The following RASGEF1C variants were observed in gnomAD, a reference collection of about 807,000 sequenced individuals.
RASGEF1C encodes RasGEF domain family member 1C.
RASGEF1C carries 27 observed loss-of-function variants against 58.1 expected under a neutral mutation model. The ratio of observed to expected loss-of-function variants is 0.46; its 90% confidence interval spans 0.34 to 0.64. The LOEUF is 0.64. Ranked by LOEUF, RASGEF1C falls within the 30% of genes least tolerant of loss-of-function variation. The probability of loss-of-function intolerance (pLI) is 0.01; values close to 1 mark genes in which losing one functional copy is unlikely to be tolerated. For missense variants in RASGEF1C, 502 were observed against 605.1 expected (o/e 0.83, Z 1.79); for synonymous variants, 243 against 246.3 (o/e 0.99, Z 0.13).
chr5:180,141,695 T>G, intron 1 of RASGEF1C, among the ~76,000 whole-genome samples: 1 of 150,900 alleles, frequency 6.6e-6, no homozygotes, highest in East Asian at 2.0e-4. Flanking sequence ...ATGATACATT[T>G]TATGTTATGT....
intron 1 of RASGEF1C, among the ~76,000 whole-genome samples, chr5:180,162,030 G>A (rs1467500584): frequency 1.3e-5 from 2 of 152,236 alleles, no homozygotes; most frequent in Non-Finnish European, 2.9e-5. Context: ...TGAGTGGATG[G>A]ATGACCATAG....
chr5:180,108,795 G>A (rs1411969512), intron 12 of RASGEF1C, among the ~76,000 whole-genome samples: 1 of 152,218 alleles, frequency 6.6e-6, no homozygotes, highest in Non-Finnish European at 1.5e-5. Flanking sequence ...TCAGGGCCAG[G>A]TTTTTGTCAG....
Position 180,137,595 on chromosome 5 carries a change from C to A in RASGEF1C, c.295G>T (p.Asp99Tyr), listed in dbSNP as rs1437598840. 6.2e-7 allele frequency: 1 copy of A among 1,611,386 alleles called. No homozygotes were observed. Residue 99 changes from aspartate (D) to tyrosine (Y), a missense_variant, in exon 3 of 14, where the codon GAC becomes TAC. By Grantham distance (160) the Asp-to-Tyr change is radical. Coordinates refer to ENST00000361132, the MANE Select transcript of RASGEF1C (RefSeq NM_175062.4). The surrounding 1 kb of genome is among the most constrained non-coding windows in gnomAD (Gnocchi z 4.1). ...EQQQLDKPVL[D>Y]KARVRKFGPK... ...TGGCCTGCCCTCCGCCTCACCTTGT[C>A]CAGCACCGGCTTGTCCAGCTGCTGC...
rs1765775255 is a variant in RASGEF1C, at chr5:180,101,144, C to A, written c.*357G>T. The A allele has an allele frequency of 3.5e-6, 1 of 282,954 alleles. No individual in the cohort carries two copies. The highest frequency in any genetic ancestry group is 1.1e-4 in the South Asian group (1 of 9,136). 17.5% of individuals were successfully genotyped at this position (282,954 alleles called of 1,614,324 possible). On this transcript the variant is annotated 3_prime_UTR_variant, in exon 14 of 14. Transcript: ENST00000361132. Reference sequence around the variant, plus strand: ...ACTGTGGGTGGTGGCCAAAGTGGCACATGTCACCAAGCAAGGTCTCGAGCT... The same window carrying A: ...ACTGTGGGTGGTGGCCAAAGTGGCAAATGTCACCAAGCAAGGTCTCGAGCT...
chr5:180,191,873 C>T (rs11249680), intron 1 of RASGEF1C, among the ~76,000 whole-genome samples: 75,859 of 152,052 alleles, frequency 0.5, 19,755 homozygotes, highest in East Asian at 0.63. Context: ...GCTGAGATCA[C>T]GGTGTTGGTC....
At chr5:180,193,651 A>G (rs1756208896) in intron 1 of RASGEF1C, among the ~76,000 whole-genome samples, 1 of 152,248 alleles carries the variant, frequency 6.6e-6, no homozygotes, top group South Asian at 2.1e-4. Context: ...ACAGAATAAA[A>G]GAGACTTAAG....
chr5:180,208,926 C>A, intron 1 of RASGEF1C, 102 bp downstream of exon 1: 1 of 148,210 alleles, frequency 6.7e-6, no homozygotes, highest in South Asian at 1.8e-4. Flanking sequence ...CAGCCTCCCG[C>A]CTCCCGCCGA....
At chr5:180,181,587 T>C (rs565016827) in intron 1 of RASGEF1C, among the ~76,000 whole-genome samples, 3 of 152,252 alleles carry the variant, frequency 2.0e-5, no homozygotes, top group East Asian at 3.9e-4. Flanking sequence ...ACTGGAGTGA[T>C]GCGGCTTCAA....
rs772479261 is a variant in RASGEF1C, at chr5:180,160,519, C to G, written c.-6-22461G>C. ...CCTGGCTCCCCAAGGCAAAGCCCCC[C>G]GAACTGCACGCACCCATTTCTATCC... On this transcript the variant is annotated intron_variant, in intron 1 of 13. Coordinates refer to ENST00000361132, the MANE Select transcript of RASGEF1C (RefSeq NM_175062.4). Among the ~76,000 whole-genome samples, 119 of 152,330 alleles carry G rather than the reference C, an allele frequency of 7.8e-4. 1 individual carries two copies. The highest frequency in any genetic ancestry group is 2.6e-3 in the African/African-American group (110 of 41,564).
At chr5:180,200,605 G>C (rs962666256) in intron 1 of RASGEF1C, among the ~76,000 whole-genome samples, 23 of 151,976 alleles carry the variant, frequency 1.5e-4, no homozygotes. Context: ...GAGCCACCGC[G>C]CCCAGCCAAG....
intron 1 of RASGEF1C, among the ~76,000 whole-genome samples, chr5:180,186,255 G>A (rs1476537382): frequency 6.6e-6 from 1 of 152,050 alleles, no homozygotes; most frequent in Non-Finnish European, 1.5e-5. Context: ...CTATTCACAG[G>A]TGGCATGATC....
intron 1 of RASGEF1C, among the ~76,000 whole-genome samples, chr5:180,208,359 A>G (rs986091068): frequency 6.6e-6 from 1 of 151,852 alleles, no homozygotes; most frequent in Non-Finnish European, 1.5e-5. Context: ...TCCCACGCCC[A>G]CGCTGAGCAT....
intron 11 of RASGEF1C, among the ~76,000 whole-genome samples, chr5:180,112,579 C>G (rs753420355): frequency 6.6e-6 from 1 of 152,118 alleles, no homozygotes; most frequent in Non-Finnish European, 1.5e-5. Context: ...GGTGGGGCCT[C>G]GCACCCACTG....
rs1389989970 is a variant in RASGEF1C, at chr5:180,173,645, T to C, written c.-7+35383A>G. 9.2e-5 allele frequency among the ~76,000 whole-genome samples: 14 copies of C among 152,340 alleles called. No homozygotes were observed. In the South Asian group the frequency reaches 2.3e-3, roughly 25 times the overall value. On this transcript the variant is annotated intron_variant, in intron 1 of 13. Transcript: ENST00000361132. ...AACTGGTGCAGTTGGCCGGGCACGG[T>C]GGCTCCCGCCTGTAGTCCCAGCACT...
intron 1 of RASGEF1C, among the ~76,000 whole-genome samples, chr5:180,184,976 T>C (rs567118084): frequency 7.4e-4 from 113 of 152,252 alleles, no homozygotes; most frequent in African/African-American, 2.5e-3. Flanking sequence ...TTCTCAATAA[T>C]GGATAAAACC....
At position 180,119,436 on chromosome 5, in the gene RASGEF1C, T is replaced by C. The variant is rs764754645; in HGVS notation, c.817A>G (p.Lys273Glu). The change falls in exon 8 of 14, where the codon AAG (lysine) becomes GAG (glutamate). Residue 273 changes from lysine (K) to glutamate (E), a missense_variant. Physicochemically the swap from Lys to Glu is moderately conservative, Grantham distance 56. Coordinates refer to ENST00000361132, the MANE Select transcript of RASGEF1C (RefSeq NM_175062.4). ...ATEICMPAKK[K>E]QRAQVIEFFI... The stretch of plus-strand genomic sequence containing the variant: ...AACTCAATCACCTGGGCCCTCTGCT[T>C]CTTCTTGGCTGGCTGGGGACAGGGC... 1 of 1,614,062 alleles carries C rather than the reference T, an allele frequency of 6.2e-7. No individual in the cohort carries two copies. The highest frequency in any genetic ancestry group is 1.1e-5 in the South Asian group (1 of 91,072).
intron 1 of RASGEF1C, among the ~76,000 whole-genome samples, chr5:180,153,907 G>GT (rs964898770): frequency 4.6e-5 from 7 of 152,218 alleles, no homozygotes; most frequent in Admixed American, 4.6e-4. Context: ...CTGGGGTGAT[G>GT]TTCCCAGTCC....
At chr5:180,188,465 C>T (rs1341872325) in intron 1 of RASGEF1C, among the ~76,000 whole-genome samples, 1 of 152,192 alleles carries the variant, frequency 6.6e-6, no homozygotes, top group Admixed American at 6.5e-5. Context: ...ACCACATAAT[C>T]ATCTCATAGA....
rs1275141256 is a variant in RASGEF1C at position 180,177,203 on chromosome 5, G to A, written c.-7+31825C>T. Among the ~76,000 whole-genome samples the A allele has an allele frequency of 1.3e-5, 2 of 152,182 alleles. No individual in the cohort carries two copies. The highest frequency in any genetic ancestry group is 4.8e-5 in the African/African-American group (2 of 41,454). ...GGGCTACTTCCAGAAACGTCCAGCC[G>A]AGTAGAGGATGCATTCAAACCATGT... On this transcript the variant is annotated intron_variant, in intron 1 of 13. Transcript: ENST00000361132. This position sits in a 1 kb window ranked among gnomAD's most constrained non-coding sequence, Gnocchi z 5.0.
Sources: allele counts gnomAD v4.1 joint callset (sites outside exome capture counted in the v4.1 genomes callset), GRCh38; gene constraint gnomAD v4.1.1; non-coding constraint Gnocchi (gnomAD v3.1); transcripts MANE v1.5; gene names NCBI Gene and HGNC (gene_info 2026-07-23, HGNC 2026-07-21).